NOS1AP: variants seen among roughly 807,000 people sequenced by gnomAD.
The protein encoded by NOS1AP is carboxyl-terminal PDZ ligand of neuronal nitric oxide synthase protein.
In NOS1AP, 21 loss-of-function variants were observed where a neutral mutation model predicts 56.2. The observed-to-expected ratio is 0.37, with a 90% CI of 0.26 to 0.54. The LOEUF (loss-of-function observed/expected upper bound fraction) is 0.54. Among genes scored for constraint, NOS1AP ranks in the 20% least tolerant of loss-of-function variants. NOS1AP has a pLI of 0.84. For missense variants in NOS1AP, 522 were observed against 657.8 expected, an observed-to-expected ratio of 0.79 and a Z score of 2.26; for synonymous variants, 270 against 274.6, an observed-to-expected ratio of 0.98 and a Z score of 0.17.
chr1:162,296,538 T>C (rs1437748388), intron 3 of NOS1AP, among the ~76,000 whole-genome samples: 1 of 152,174 alleles, frequency 6.6e-6, no homozygotes, highest in African/African-American at 2.4e-5. Flanking sequence ...CAGGACATTC[T>C]ATATGGGTGC....
intron 1 of NOS1AP, among the ~76,000 whole-genome samples, chr1:162,142,083 A>T (rs1016198037): frequency 6.6e-6 from 1 of 152,214 alleles, no homozygotes; most frequent in African/African-American, 2.4e-5. Context: ...AATGCAGTCT[A>T]GTTTGGAGAG....
intron 2 of NOS1AP, among the ~76,000 whole-genome samples, chr1:162,185,441 C>A (rs753891033): frequency 6.6e-6 from 1 of 152,164 alleles, no homozygotes; most frequent in Non-Finnish European, 1.5e-5. Context: ...ATACAGATTA[C>A]GTTTGCCTTT....
At chr1:162,321,406 C>T (rs1656408213) in intron 4 of NOS1AP, among the ~76,000 whole-genome samples, 1 of 152,088 alleles carries the variant, frequency 6.6e-6, no homozygotes. Flanking sequence ...ATGATGAGTT[C>T]ATGTCCATTG....
intron 4 of NOS1AP, chr1:162,317,066 A>G (rs549797200): frequency 6.6e-6 from 1 of 152,330 alleles, no homozygotes; most frequent in East Asian, 1.9e-4. Context: ...AAATGTGTTC[A>G]TCTTGTTTGT....
intron 1 of NOS1AP, among the ~76,000 whole-genome samples, chr1:162,096,213 T>C (rs1692236267): frequency 6.6e-6 from 1 of 152,220 alleles, no homozygotes; most frequent in African/African-American, 2.4e-5. Context: ...GGTTCTTTCC[T>C]CTGCAGTGTC....
chr1:162,171,373 G>A lies in NOS1AP; in HGVS notation c.177+16897G>A, dbSNP rs186332607. Among the ~76,000 whole-genome samples, 7 of 152,234 alleles carry A rather than the reference G, an allele frequency of 4.6e-5. No individual in the cohort carries two copies. In the East Asian group the frequency reaches 1.2e-3, roughly 25 times the overall value. On this transcript the variant is annotated intron_variant, in intron 2 of 9. Transcript: ENST00000361897. ...GCACATGACTTTCTCTCCCCTTGCT[G>A]TTATTGGAAAGGGTTATGTAACCCT...
chr1:162,286,152 CTAA>C (rs1655083312), intron 2 of NOS1AP, among the ~76,000 whole-genome samples: 1 of 152,168 alleles, frequency 6.6e-6, no homozygotes, highest in South Asian at 2.1e-4. Flanking sequence ...TTCTGGATTT[CTAA>C]TGAGATTTCC....
intron 2 of NOS1AP, among the ~76,000 whole-genome samples, chr1:162,156,861 G>A (rs1440827850): frequency 6.6e-6 from 1 of 152,126 alleles, no homozygotes; most frequent in African/African-American, 2.4e-5. Context: ...AATAATTCTA[G>A]GTCAAGTTGC....
intron 2 of NOS1AP, among the ~76,000 whole-genome samples, chr1:162,218,129 G>C (rs530733800): frequency 6.6e-6 from 1 of 152,324 alleles, no homozygotes; most frequent in African/African-American, 2.4e-5. Context: ...GAGTCCATCA[G>C]ATAAGTTCTA....
intron 4 of NOS1AP, among the ~76,000 whole-genome samples, chr1:162,332,326 T>A (rs186894884): frequency 1.8e-4 from 28 of 152,326 alleles, no homozygotes; most frequent in Admixed American, 1.1e-3. Flanking sequence ...TTAGTCTGCC[T>A]TATTTTTCTT....
intron 1 of NOS1AP, among the ~76,000 whole-genome samples, chr1:162,127,530 A>G (rs1030275035): frequency 1.3e-5 from 2 of 151,786 alleles, no homozygotes; most frequent in African/African-American, 4.8e-5. Flanking sequence ...TACTTTATAA[A>G]AAAAAAAAAA....
At chr1:162,227,650 C>A (rs1293373446) in intron 2 of NOS1AP, among the ~76,000 whole-genome samples, 2 of 152,190 alleles carry the variant, frequency 1.3e-5, no homozygotes, top group Admixed American at 6.5e-5. Flanking sequence ...ACACACATAT[C>A]TTATGTTTTG....
chr1:162,235,163 G>A (rs1350343022), intron 2 of NOS1AP, among the ~76,000 whole-genome samples: 7 of 151,958 alleles, frequency 4.6e-5, no homozygotes, highest in African/African-American at 1.7e-4. Flanking sequence ...CTTGCCAAGT[G>A]TTATGAGGTT....
At chr1:162,342,455 G>A (rs1040002207) in intron 5 of NOS1AP, 2 of 461,982 alleles carry the variant, frequency 4.3e-6, no homozygotes, top group African/African-American at 4.1e-5. Flanking sequence ...CAGGCTTGAG[G>A]AGAAGCAATT....
intron 2 of NOS1AP, among the ~76,000 whole-genome samples, chr1:162,189,609 A>T (rs1651554403): frequency 6.6e-6 from 1 of 152,236 alleles, no homozygotes; most frequent in Non-Finnish European, 1.5e-5. Flanking sequence ...CTCTCTTCTC[A>T]TGGAACTTAT....
At chr1:162,299,519 G>T (rs1422302213) in intron 3 of NOS1AP, among the ~76,000 whole-genome samples, 1 of 152,196 alleles carries the variant, frequency 6.6e-6, no homozygotes, top group African/African-American at 2.4e-5. Context: ...GCTTAGAAAA[G>T]AGATTAGTCT....
chr1:162,075,817 C>A (rs1287949769), intron 1 of NOS1AP, among the ~76,000 whole-genome samples: 1 of 152,026 alleles, frequency 6.6e-6, no homozygotes, highest in African/African-American at 2.4e-5. Context: ...AGATACAGTA[C>A]TGCTCTGAAA....
Position 162,370,332 on chromosome 1 carries a change from G to C in NOS1AP, c.*2865G>C, listed in dbSNP as rs908163677. ...CTTCCTCCTAACCCTCTACCCACTAGCACTCTACTTCCTAAAGCTGTTGTG... is the reference window on the plus strand; with the variant it reads ...CTTCCTCCTAACCCTCTACCCACTACCACTCTACTTCCTAAAGCTGTTGTG... On this transcript the variant is annotated 3_prime_UTR_variant, in exon 10 of 10. Coordinates refer to ENST00000361897, the MANE Select transcript of NOS1AP (RefSeq NM_014697.3). The C allele has an allele frequency of 6.6e-6, 1 of 152,034 alleles. No individual in the cohort carries two copies. The highest frequency in any genetic ancestry group is 2.4e-5 in the African/African-American group (1 of 41,358). The allele number at this position is 152,034 out of a possible 1,614,324, so 9.4% of individuals were successfully genotyped here. A position where few individuals can be genotyped will look rare whatever the true frequency, so the allele number is the denominator to read the frequency against.
chr1:162,266,369 A>AAG (rs753673726), intron 2 of NOS1AP, among the ~76,000 whole-genome samples: 6 of 152,224 alleles, frequency 3.9e-5, no homozygotes, highest in Non-Finnish European at 7.3e-5. Context: ...GAATGTTACC[A>AAG]AGCATGTGGG....
Sources: gnomAD v4.1 joint callset for allele counts (sites outside exome capture counted in the v4.1 genomes callset) on GRCh38, gnomAD v4.1.1 for gene constraint, MANE v1.5 for transcripts, NCBI Gene and HGNC (gene_info 2026-07-23, HGNC 2026-07-21) for gene names.